Variants in VPS33A observed in about 807,000 individuals in gnomAD.
VPS33A encodes the protein vacuolar protein sorting-associated protein 33A.
A neutral mutation model predicts 71.8 loss-of-function variants in VPS33A; 32 were observed. The ratio of observed to expected loss-of-function variants is 0.45; its 90% CI spans 0.34 to 0.60. The LOEUF (loss-of-function observed/expected upper bound fraction) is 0.60. VPS33A is among the 20% of genes least tolerant of loss of function. The probability of loss-of-function intolerance (pLI) is 0.02; values close to 1 mark genes in which losing one functional copy is unlikely to be tolerated. For missense variants in VPS33A, 625 were observed against 748.5 expected (o/e 0.84, Z 1.92); for synonymous variants, 311 against 292.7 (o/e 1.06, Z -0.64).
intron 12 of VPS33A, 112 bp downstream of exon 12, chr12:122,232,688 T>G: frequency 7.5e-7 from 1 of 1,333,762 alleles, no homozygotes; most frequent in African/African-American, 1.5e-5. Context: ...ACAAAAGAGG[T>G]GTATTTAATT....
intron 9 of VPS33A, among the ~76,000 whole-genome samples, chr12:122,239,029 G>C (rs1433135850): frequency 2.7e-5 from 4 of 150,718 alleles, no homozygotes; most frequent in African/African-American, 9.8e-5. Flanking sequence ...ACACCCCCCA[G>C]TGATCAGGCC....
chr12:122,263,777 A>AC, intron 2 of VPS33A, 78 bp from the exon 3 acceptor site: 2 of 1,448,234 alleles, frequency 1.4e-6, no homozygotes, highest in Non-Finnish European at 1.9e-6. Flanking sequence ...AATCATAAAT[A>AC]CCCCCAATCA....
chr12:122,255,557 T>A (rs1954905462), intron 4 of VPS33A, among the ~76,000 whole-genome samples: 1 of 151,672 alleles, frequency 6.6e-6, no homozygotes, highest in South Asian at 2.1e-4. Flanking sequence ...TACAAAAAAT[T>A]AGCCAGGTGC....
chr12:122,246,740 T>C (rs1954782261), intron 6 of VPS33A, among the ~76,000 whole-genome samples: 1 of 151,874 alleles, frequency 6.6e-6, no homozygotes, highest in African/African-American at 2.4e-5. Context: ...GCTGGGATTA[T>C]AGCCACCCGC....
intron 4 of VPS33A, among the ~76,000 whole-genome samples, chr12:122,257,256 G>A (rs368588329): frequency 1.3e-5 from 2 of 151,678 alleles, no homozygotes; most frequent in Non-Finnish European, 2.9e-5. Flanking sequence ...GTAAAATCCC[G>A]TCTCTACTAA....
rs776105725 is a variant in VPS33A at position 122,250,054 on chromosome 12, A to G, written c.601-9T>C. 8 of 1,600,030 alleles carry G rather than the reference A, an allele frequency of 5.0e-6. No individual in the cohort carries two copies. The East Asian group carries it at 1.6e-4, about 31-fold the overall frequency. On this transcript the variant is annotated splice_polypyrimidine_tract_variant and intron_variant, in intron 5 of 12. Transcript: ENST00000267199. ...ATCATATTGGCCACTTGCTGGAAAC[A>G]AAACATTGGATGAGGTGGGGCCCCC...
intron 6 of VPS33A, chr12:122,249,157 A>C (rs1318729880): frequency 1.3e-5 from 2 of 152,196 alleles, no homozygotes; most frequent in African/African-American, 4.8e-5. Context: ...CATATATAAC[A>C]ACCTCTAATT....
At chr12:122,237,688 C>T (rs944303749) in intron 10 of VPS33A, among the ~76,000 whole-genome samples, 18 of 133,244 alleles carry the variant, frequency 1.4e-4, no homozygotes, top group African/African-American at 3.3e-4. Flanking sequence ...GGACTACAGG[C>T]GCCCGCCACC....
chr12:122,240,025 C>T (rs1053312624), intron 8 of VPS33A, 80 bp from the exon 9 acceptor site: 10 of 1,111,320 alleles, frequency 9.0e-6, no homozygotes, highest in African/African-American at 4.6e-5. Context: ...ACACAGAGCA[C>T]GATTCAGAAA....
chr12:122,253,942 G>A (rs73219902), intron 4 of VPS33A, among the ~76,000 whole-genome samples: 5,793 of 152,090 alleles, frequency 0.038, 152 homozygotes, highest in South Asian at 0.082. Flanking sequence ...CAGGTGATCC[G>A]TCTGCCTTGG....
chr12:122,244,743 T>C lies in VPS33A; in HGVS notation c.795A>G (p.Pro265=), dbSNP rs1954756012. The stretch of plus-strand genomic sequence containing the variant: ...CCTGTTTCTTAGGTGCAAATTTCTC[T>C]GGAGGTAATTTCACATAACCTGAGC... ...GIQNSYVKLP[P]EKFAPKKQGD... Residue 265 remains proline, a synonymous_variant, in exon 7 of 13, where the codon CCA becomes CCG. Coordinates refer to ENST00000267199, the MANE Select transcript of VPS33A (RefSeq NM_022916.6). The C allele has an allele frequency of 1.2e-6, 2 of 1,613,560 alleles. No individual in the cohort carries two copies. The highest frequency in any genetic ancestry group is 1.1e-5 in the South Asian group (1 of 91,056).
At position 122,264,192 on chromosome 12, in the gene VPS33A, A is replaced by G; in HGVS notation, c.110T>C (p.Val37Ala). ...GGGTCCAGTTAGGTATTCATCCCAAACTATTGCCTGTAAGAGGGGAGAAAC... is the reference window on the plus strand; with the variant it reads ...GGGTCCAGTTAGGTATTCATCCCAAGCTATTGCCTGTAAGAGGGGAGAAAC... ...LDKCAGSKAI[V>A]WDEYLTGPFG... The change falls in exon 2 of 13, where the codon GTT becomes GCT. Residue 37 changes from valine to alanine, a missense_variant. Physicochemically the swap from Val to Ala is moderately conservative, Grantham distance 64. Coordinates refer to ENST00000267199, the MANE Select transcript of VPS33A (RefSeq NM_022916.6). 1.3e-6 allele frequency: 2 copies of G among 1,542,714 alleles called. No homozygotes were observed. Among genetic ancestry groups the G allele is most frequent in the Non-Finnish European group, 8.8e-7 (1 of 1,131,878 alleles).
intron 3 of VPS33A, 116 bp from the exon 4 acceptor site, chr12:122,261,563 A>G (rs992137649): frequency 2.1e-6 from 2 of 944,022 alleles, no homozygotes; most frequent in African/African-American, 3.3e-5. Flanking sequence ...CTGGCTAGAT[A>G]AATCATATAA....
chr12:122,265,966 T>C (rs535054463), intron 1 of VPS33A, among the ~76,000 whole-genome samples: 1 of 152,332 alleles, frequency 6.6e-6, no homozygotes, highest in Non-Finnish European at 1.5e-5. Flanking sequence ...GAATGGACAC[T>C]GGACCATCCA....
Position 122,264,209 on chromosome 12 carries a change from G to A in VPS33A, c.103-10C>T, listed in dbSNP as rs1955036666. On this transcript the variant is annotated splice_polypyrimidine_tract_variant and intron_variant, in intron 1 of 12. Transcript: ENST00000267199. ...CATCCCAAACTATTGCCTGTAAGAG[G>A]GGAGAAACATTCTCTTATTATAGTT... 1 of 1,525,386 alleles carries A rather than the reference G, an allele frequency of 6.6e-7. No individual in the cohort carries two copies. The highest frequency in any genetic ancestry group is 2.3e-5 in the East Asian group (1 of 43,578). The allele number at this position is 1,525,386 out of a possible 1,614,324, so 94.5% of individuals were successfully genotyped here.
intron 10 of VPS33A, 72 bp from the exon 11 acceptor site, chr12:122,235,995 T>C: frequency 6.5e-7 from 1 of 1,537,676 alleles, no homozygotes; most frequent in Non-Finnish European, 8.8e-7. Context: ...AGAAGGGCAC[T>C]TCCAACAAAT....
At chr12:122,247,390 C>T (rs1288459018) in intron 6 of VPS33A, among the ~76,000 whole-genome samples, 1 of 152,014 alleles carries the variant, frequency 6.6e-6, no homozygotes, top group Non-Finnish European at 1.5e-5. Flanking sequence ...GTGCTACATG[C>T]TCTGGGACCA....
chr12:122,257,515 A>C (rs1054180949), intron 4 of VPS33A, among the ~76,000 whole-genome samples: 11 of 150,800 alleles, frequency 7.3e-5, no homozygotes, highest in African/African-American at 2.7e-4. Context: ...CTACTAATAC[A>C]CAAAAAAATT....
In VPS33A at chr12:122,261,467, T is replaced by C. The variant is rs192118546; in HGVS notation, c.297-20A>G. ...TCTTCACTGCAAAGGAAGCAACATT[T>C]GTTAGCTTATGAGCTCCTAAGAGTC... On this transcript the variant is annotated intron_variant, in intron 3 of 12. Coordinates refer to ENST00000267199, the MANE Select transcript of VPS33A (RefSeq NM_022916.6). The C allele has an allele frequency of 4.2e-4, 685 of 1,611,998 alleles. 1 individual carries two copies. In the African/African-American group the frequency reaches 6.8e-3, roughly 16 times the overall value.
Sources: allele counts gnomAD v4.1 joint callset (sites outside exome capture counted in the v4.1 genomes callset), GRCh38; gene constraint gnomAD v4.1.1; transcripts MANE v1.5; gene names NCBI Gene and HGNC (gene_info 2026-07-23, HGNC 2026-07-21).